PLEKHA6: variants seen among roughly 807,000 people sequenced by gnomAD.
PLEKHA6 encodes pleckstrin homology domain containing A6.
Under a neutral mutation model 116.7 loss-of-function variants are expected in PLEKHA6, and 60 were observed. That is an observed-to-expected ratio of 0.51 (90% CI 0.42 to 0.64). The LOEUF (loss-of-function observed/expected upper bound fraction) is 0.64, where lower values mean the gene tolerates loss of function less well. Among genes scored for constraint, PLEKHA6 ranks in the 30% least tolerant of loss-of-function variants. PLEKHA6 has a pLI of 0.00. For missense variants in PLEKHA6, 1,338 were observed against 1,422.7 expected (o/e 0.94, Z 0.96); for synonymous variants, 489 against 556.1 (o/e 0.88, Z 1.70).
rs916211742 is a variant in PLEKHA6, at chr1:204,228,905, C to A, written c.2751+32G>T. The A allele has an allele frequency of 4.3e-6, 7 of 1,613,950 alleles. No homozygotes were observed. In the South Asian group the frequency reaches 4.4e-5, roughly 10 times the overall value. On this transcript the variant is annotated intron_variant, in intron 19 of 22. Transcript: ENST00000272203. The surrounding 1 kb of genome is among the most constrained non-coding windows in gnomAD (Gnocchi z 4.0). ...CACCACCTCTGTCCCTTCCCAGAGT[C>A]TCCCACTACAGCCCTTCCTGGCTCC...
rs60251937 is a variant in PLEKHA6, at chr1:204,308,687, CTTTTTTTTTTT to C, written c.-94-33889_-94-33879del. On this transcript the variant is annotated intron_variant, in intron 1 of 22. Transcript: ENST00000272203. ...CAAGAAGGTAATTCTTTTTCTTTTT[CTTTTTTTTTTT>C]TTTTTTTTTTGAGACAGAGTCTGGC... 3.7e-5 allele frequency among the ~76,000 whole-genome samples: 3 copies of C among 81,408 alleles called. No homozygotes were observed. The South Asian group carries it at 1.5e-3, about 40-fold the overall frequency. The allele number at this position is 81,408 out of a possible 152,430, so 53.4% of individuals were successfully genotyped here.
intron 1 of PLEKHA6, among the ~76,000 whole-genome samples, chr1:204,291,621 C>G (rs1669761200): frequency 6.6e-6 from 1 of 152,158 alleles, no homozygotes; most frequent in Non-Finnish European, 1.5e-5. Context: ...AAATATGCAG[C>G]ATAATGGATG....
chr1:204,275,445 C>G (rs1367683831), intron 1 of PLEKHA6, among the ~76,000 whole-genome samples: 1 of 152,092 alleles, frequency 6.6e-6, no homozygotes, highest in Non-Finnish European at 1.5e-5. Flanking sequence ...GCTCAACAGT[C>G]CAGTCTCATT....
intron 1 of PLEKHA6, among the ~76,000 whole-genome samples, chr1:204,337,907 C>G: frequency 6.6e-6 from 1 of 152,238 alleles, no homozygotes; most frequent in East Asian, 1.9e-4. Context: ...TTGTCAAAGC[C>G]TTGAGAACAA....
At chr1:204,289,892 G>A (rs1669572780) in intron 1 of PLEKHA6, among the ~76,000 whole-genome samples, 1 of 152,054 alleles carries the variant, frequency 6.6e-6, no homozygotes, top group Admixed American at 6.5e-5. Flanking sequence ...AAAATCAGTT[G>A]TATTTCTATA....
At chr1:204,280,925 C>T in intron 1 of PLEKHA6, 2 of 680,976 alleles carry the variant, frequency 2.9e-6, no homozygotes, top group African/African-American at 1.9e-5. Context: ...CATCAGAGGC[C>T]CTCTGTTTTC....
Position 204,261,750 on chromosome 1 carries a change from T to C in PLEKHA6, c.382-302A>G, listed in dbSNP as rs1225437511. ...GGGGTAATTAAAGCAGGAGGGACAATGATCACACCCATTCTCCCGGCAAAT... is the reference window on the plus strand; with the variant it reads ...GGGGTAATTAAAGCAGGAGGGACAACGATCACACCCATTCTCCCGGCAAAT... On this transcript the variant is annotated intron_variant, in intron 6 of 22. Transcript: ENST00000272203. The surrounding 1 kb of genome is among the most constrained non-coding windows in gnomAD (Gnocchi z 4.0). Among the ~76,000 whole-genome samples, 2 of 152,134 alleles carry C rather than the reference T, an allele frequency of 1.3e-5. No individual in the cohort carries two copies. The highest frequency in any genetic ancestry group is 3.9e-4 in the East Asian group (2 of 5,184).
At chr1:204,242,970 T>C (rs775563185) in intron 15 of PLEKHA6, 3 of 398,046 alleles carry the variant, frequency 7.5e-6, no homozygotes, top group Non-Finnish European at 1.3e-5. Flanking sequence ...TATCCCAGAG[T>C]CCAGCTGGGC....
chr1:204,268,159 T>G, intron 4 of PLEKHA6, 49 bp downstream of exon 4: 1 of 1,195,702 alleles, frequency 8.4e-7, no homozygotes, highest in Non-Finnish European at 1.2e-6. Flanking sequence ...CCTTATTCTG[T>G]GAGGAGAAGG....
intron 15 of PLEKHA6, 135 bp downstream of exon 15, chr1:204,244,729 C>G: frequency 3.3e-6 from 2 of 610,752 alleles, no homozygotes; most frequent in Non-Finnish European, 2.7e-6. Context: ...AGAATGACCT[C>G]CTTAAACAAA....
intron 1 of PLEKHA6, among the ~76,000 whole-genome samples, chr1:204,334,829 G>A (rs1672584271): frequency 6.6e-6 from 1 of 152,078 alleles, no homozygotes; most frequent in South Asian, 2.1e-4. Context: ...AACTCAGGAG[G>A]TGGAGGTTAC....
chr1:204,359,580 C>A, intron 1 of PLEKHA6, 114 bp downstream of exon 1: 3 of 983,928 alleles, frequency 3.0e-6, no homozygotes, highest in Non-Finnish European at 3.6e-6. Flanking sequence ...GAAGCCAGTG[C>A]TCCGCAGTGC....
intron 1 of PLEKHA6, among the ~76,000 whole-genome samples, chr1:204,350,919 G>T (rs1331977623): frequency 6.6e-6 from 1 of 152,212 alleles, no homozygotes; most frequent in Non-Finnish European, 1.5e-5. Flanking sequence ...GAGGGAGAGA[G>T]GAGAGGGCTG....
chr1:204,297,233 T>G, intron 1 of PLEKHA6: 1 of 976,470 alleles, frequency 1.0e-6, no homozygotes, highest in Non-Finnish European at 1.2e-6. Flanking sequence ...AAACACTACC[T>G]TCTGGTAGGA....
chr1:204,257,543 C>A lies in PLEKHA6; in HGVS notation c.1334G>T (p.Arg445Leu). The A allele has an allele frequency of 6.3e-7, 1 of 1,595,316 alleles. No homozygotes were observed. ...GGAGCGGGGCTGCAGGGACAGGCGGCGCAGGGAGCTAGAGGCGGCATCCAG... is the reference window on the plus strand; with the variant it reads ...GGAGCGGGGCTGCAGGGACAGGCGGAGCAGGGAGCTAGAGGCGGCATCCAG... Reference protein sequence around the residue: ...DELDAASSSLRRLSLQPRSHS... With the variant: ...DELDAASSSLLRLSLQPRSHS... Residue 445 changes from arginine (R) to leucine (L), a missense_variant, in exon 9 of 23, where the codon CGC (arginine) becomes CTC (leucine). Transcript: ENST00000272203. The surrounding 1 kb of genome is among the most constrained non-coding windows in gnomAD (Gnocchi z 6.5).
At position 204,229,118 on chromosome 1, in the gene PLEKHA6, G is replaced by A. The variant is rs984848708; in HGVS notation, c.2584-14C>T. The A allele has an allele frequency of 4.4e-6, 7 of 1,608,508 alleles. No homozygotes were observed. Among genetic ancestry groups the A allele is most frequent in the Non-Finnish European group, 5.9e-6 (7 of 1,179,102 alleles). ...GTGGCGGCGCACCTAGGGGACAGCA[G>A]CATCGTGATTGCACCATGGCTACCC... is the stretch of plus-strand genomic sequence containing the variant. On this transcript the variant is annotated splice_polypyrimidine_tract_variant and intron_variant, in intron 18 of 22. Transcript: ENST00000272203.
Position 204,228,641 on chromosome 1 carries a change from C to G in PLEKHA6, c.2885+87G>C. On this transcript the variant is annotated intron_variant, in intron 20 of 22. Coordinates refer to ENST00000272203, the MANE Select transcript of PLEKHA6 (RefSeq NM_014935.5). This position sits in a 1 kb window ranked among gnomAD's most constrained non-coding sequence, Gnocchi z 4.0. ...CTCGATGTGCTCTCCCCTGGGGAGG[C>G]TCTGTGCCCCCAACGACTTCTAGTG... 7.9e-7 allele frequency: 1 copy of G among 1,268,630 alleles called. No individual in the cohort carries two copies. The allele number at this position is 1,268,630 out of a possible 1,614,324, so 78.6% of individuals were successfully genotyped here.
intron 1 of PLEKHA6, chr1:204,309,135 TA>T (rs1462602004): frequency 1.3e-6 from 1 of 775,030 alleles, no homozygotes; most frequent in Non-Finnish European, 1.6e-6. Context: ...TCATTTCTGT[TA>T]AGGGAAATAT....
At chr1:204,234,698 A>G (rs191908412) in intron 17 of PLEKHA6, among the ~76,000 whole-genome samples, 61 of 152,152 alleles carry the variant, frequency 4.0e-4, no homozygotes, top group African/African-American at 1.3e-3. Flanking sequence ...GGGAAGGCAG[A>G]TCCATCCTTA....
Sources: allele counts gnomAD v4.1 joint callset (sites outside exome capture counted in the v4.1 genomes callset), GRCh38; gene constraint gnomAD v4.1.1; non-coding constraint Gnocchi (gnomAD v3.1); transcripts MANE v1.5; gene names NCBI Gene and HGNC (gene_info 2026-07-23, HGNC 2026-07-21).